Variants in SLC17A8 observed in about 807,000 individuals in gnomAD.
SLC17A8 encodes solute carrier family 17 member 8, also known as vesicular glutamate transporter 3.
A neutral mutation model predicts 58.0 loss-of-function variants in SLC17A8; 31 were observed. That is an observed-to-expected ratio of 0.53 (90% confidence interval 0.40 to 0.72). SLC17A8 has a LOEUF of 0.72. Among genes scored for constraint, SLC17A8 ranks in the 30% least tolerant of loss-of-function variants. SLC17A8 has a pLI of 0.00. For synonymous variants in SLC17A8, 228 were observed against 249.0 expected (o/e 0.92, Z 0.79); for missense variants, 655 against 727.8 (o/e 0.90, Z 1.15).
rs1168695084 is a variant in SLC17A8 at position 100,418,017 on chromosome 12, G to A, written c.1298-12G>A. The A allele has an allele frequency of 6.2e-7, 1 of 1,614,132 alleles. No individual in the cohort carries two copies. The highest frequency in any genetic ancestry group is 8.5e-7 in the Non-Finnish European group (1 of 1,180,024). Reference sequence around the variant, plus strand: ...TCTTGACTCTGATTTTGAGGTTTTGGCTTCACTGTAGGTTTTAATGTCAAC... The same window carrying A: ...TCTTGACTCTGATTTTGAGGTTTTGACTTCACTGTAGGTTTTAATGTCAAC... On this transcript the variant is annotated splice_polypyrimidine_tract_variant and intron_variant, in intron 10 of 11. Coordinates refer to ENST00000323346, the MANE Select transcript of SLC17A8 (RefSeq NM_139319.3).
chr12:100,410,382 C>G (rs1461002072), intron 9 of SLC17A8, among the ~76,000 whole-genome samples: 1 of 152,020 alleles, frequency 6.6e-6, no homozygotes, highest in Non-Finnish European at 1.5e-5. Context: ...ATAGTCCCAG[C>G]TACTCAGGAG....
intron 1 of SLC17A8, among the ~76,000 whole-genome samples, chr12:100,373,438 A>G (rs1952572379): frequency 6.6e-6 from 1 of 152,064 alleles, no homozygotes; most frequent in Non-Finnish European, 1.5e-5. Context: ...TGATGTCTGG[A>G]ATTGATCCAC....
At chr12:100,384,323 G>A (rs768575562) in intron 2 of SLC17A8, among the ~76,000 whole-genome samples, 4 of 152,280 alleles carry the variant, frequency 2.6e-5, no homozygotes, top group African/African-American at 7.2e-5. Flanking sequence ...ATTGGGGCCC[G>A]GCATGGTGGC....
At chr12:100,374,072 C>G (rs115990757) in intron 1 of SLC17A8, among the ~76,000 whole-genome samples, 5 of 152,184 alleles carry the variant, frequency 3.3e-5, no homozygotes, top group Admixed American at 1.3e-4. Flanking sequence ...TTTGTAGGGT[C>G]GGCTCATGTA....
intron 4 of SLC17A8, among the ~76,000 whole-genome samples, chr12:100,395,408 C>T (rs911717664): frequency 6.6e-6 from 1 of 151,568 alleles, no homozygotes; most frequent in Non-Finnish European, 1.5e-5. Flanking sequence ...TCACTGCAAC[C>T]TCTGCCTCCC....
At chr12:100,392,025 T>C (rs1366224435) in intron 3 of SLC17A8, among the ~76,000 whole-genome samples, 1 of 152,140 alleles carries the variant, frequency 6.6e-6, no homozygotes, top group Non-Finnish European at 1.5e-5. Flanking sequence ...GTGAGTTCTC[T>C]GTCACCGGAG....
At chr12:100,390,573 C>G (rs1328212679) in intron 2 of SLC17A8, among the ~76,000 whole-genome samples, 1 of 152,036 alleles carries the variant, frequency 6.6e-6, no homozygotes, top group East Asian at 1.9e-4. Flanking sequence ...TGGTCTGGAT[C>G]TCCTGACCTC....
intron 10 of SLC17A8, among the ~76,000 whole-genome samples, chr12:100,413,275 T>C (rs529488328): frequency 1.8e-4 from 28 of 152,218 alleles, no homozygotes; most frequent in Non-Finnish European, 3.8e-4. Context: ...CGAGTGTCAT[T>C]ACAGTCATAG....
chr12:100,404,174 C>G lies in SLC17A8; in HGVS notation c.1186+4C>G, dbSNP rs1245447291. On this transcript the variant is annotated splice_donor_region_variant and intron_variant, in intron 9 of 11. Coordinates refer to ENST00000323346, the MANE Select transcript of SLC17A8 (RefSeq NM_139319.3). ...AGAAAAATCATGAACTGTGGAGGTA[C>G]TGTGGATTTCATAGATGGCTTAGGC... is the stretch of plus-strand genomic sequence containing the variant. 6.2e-7 allele frequency: 1 copy of G among 1,614,094 alleles called. No homozygotes were observed. The highest frequency in any genetic ancestry group is 8.5e-7 in the Non-Finnish European group (1 of 1,179,990).
At chr12:100,387,602 GGA>G (rs1180591468) in intron 2 of SLC17A8, among the ~76,000 whole-genome samples, 1 of 152,132 alleles carries the variant, frequency 6.6e-6, no homozygotes, top group African/African-American at 2.4e-5. Context: ...GGTTGAAGTG[GGA>G]GTTAGAGAAA....
chr12:100,407,828 G>A (rs1303662565), intron 9 of SLC17A8, among the ~76,000 whole-genome samples: 2 of 151,892 alleles, frequency 1.3e-5, no homozygotes, highest in African/African-American at 2.4e-5. Context: ...GGGTAGTCTC[G>A]ATCTCCTGAC....
chr12:100,374,855 C>T (rs556789457), intron 1 of SLC17A8, among the ~76,000 whole-genome samples: 13 of 152,222 alleles, frequency 8.5e-5, no homozygotes, highest in African/African-American at 3.1e-4. Flanking sequence ...GCTCAGACCC[C>T]TCCCCACAGC....
chr12:100,419,490 G>A lies in SLC17A8; in HGVS notation c.1426-325G>A, dbSNP rs376171657. Among the ~76,000 whole-genome samples, 375 of 149,560 alleles carry A rather than the reference G, an allele frequency of 2.5e-3. 3 individuals carry two copies. The highest frequency in any genetic ancestry group is 9.0e-3 in the African/African-American group (365 of 40,530). ...GGAGCTTGCAGTGAGCCGAGATCGC[G>A]CCACTGCACTCTAGCCTGGGTGACA... On this transcript the variant is annotated intron_variant, in intron 11 of 11. Transcript: ENST00000323346.
In SLC17A8 at chr12:100,399,402, G is replaced by A. The variant is rs899872003; in HGVS notation, c.677-2375G>A. On this transcript the variant is annotated intron_variant, in intron 5 of 11. Transcript: ENST00000323346. ...TTTTTTCTGATAGAAAAGAAGGGTA[G>A]TTTAGGTCACATTGTGTATTAGTCT... Among the ~76,000 whole-genome samples the A allele has an allele frequency of 4.6e-5, 7 of 152,168 alleles. No individual in the cohort carries two copies. In the East Asian group the frequency reaches 1.3e-3, roughly 29 times the overall value.
At chr12:100,384,474 A>G (rs928606062) in intron 2 of SLC17A8, among the ~76,000 whole-genome samples, 1 of 152,168 alleles carries the variant, frequency 6.6e-6, no homozygotes, top group African/African-American at 2.4e-5. Context: ...ATGGTGGCGC[A>G]CACCTGTAGT....
chr12:100,399,896 C>G (rs765415738), intron 5 of SLC17A8, among the ~76,000 whole-genome samples: 1 of 152,164 alleles, frequency 6.6e-6, no homozygotes, highest in Non-Finnish European at 1.5e-5. Flanking sequence ...AGAGTAAGGG[C>G]TTTGGGGTTC....
intron 10 of SLC17A8, among the ~76,000 whole-genome samples, chr12:100,416,762 T>A (rs1952909177): frequency 6.6e-6 from 1 of 152,200 alleles, no homozygotes; most frequent in African/African-American, 2.4e-5. Flanking sequence ...TGCATGTTGG[T>A]TTACACGTCT....
chr12:100,388,909 G>A (rs1418954792), intron 2 of SLC17A8, among the ~76,000 whole-genome samples: 1 of 152,196 alleles, frequency 6.6e-6, no homozygotes, highest in Non-Finnish European at 1.5e-5. Context: ...AACAGGACAT[G>A]GCTGCTATCT....
At chr12:100,408,460 C>G (rs953002008) in intron 9 of SLC17A8, among the ~76,000 whole-genome samples, 1 of 152,006 alleles carries the variant, frequency 6.6e-6, no homozygotes, top group African/African-American at 2.4e-5. Context: ...CCTTTAAGTC[C>G]TAGTTTTGTT....
Sources: allele counts gnomAD v4.1 joint callset (sites outside exome capture counted in the v4.1 genomes callset), GRCh38; gene constraint gnomAD v4.1.1; transcripts MANE v1.5; gene names NCBI Gene and HGNC (gene_info 2026-07-23, HGNC 2026-07-21).